The following ABCA13 variants were observed in gnomAD, a reference collection of about 807,000 sequenced individuals.
The protein encoded by ABCA13 is ATP-binding cassette sub-family A member 13.
In ABCA13, 476 loss-of-function variants were observed where a neutral mutation model predicts 478.7. That is an observed-to-expected ratio of 0.99 (90% CI 0.92 to 1.07). The LOEUF is 1.07. Ranked by LOEUF, ABCA13 falls within the 50% of genes least tolerant of loss-of-function variation. The pLI is 0.00. For synonymous variants in ABCA13, 2,252 were observed against 2,158.9 expected, an observed-to-expected ratio of 1.04 and a Z score of -1.20; for missense variants, 6,060 against 5,910.6, an observed-to-expected ratio of 1.03 and a Z score of -0.83.
At chr7:48,523,708 G>T (rs998285299) in intron 53 of ABCA13, among the ~76,000 whole-genome samples, 5 of 152,092 alleles carry the variant, frequency 3.3e-5, no homozygotes, top group African/African-American at 1.2e-4. Context: ...CTCAGATTTA[G>T]AGAAAATAAG....
chr7:48,388,473 A>G (rs918719654), intron 36 of ABCA13, among the ~76,000 whole-genome samples: 2 of 152,216 alleles, frequency 1.3e-5, no homozygotes, highest in Non-Finnish European at 2.9e-5. Flanking sequence ...CTCCAGAGTC[A>G]TGGCCTGTTC....
At chr7:48,501,807 G>C (rs1290838997) in intron 48 of ABCA13, among the ~76,000 whole-genome samples, 1 of 152,138 alleles carries the variant, frequency 6.6e-6, no homozygotes, top group African/African-American at 2.4e-5. Flanking sequence ...TGCTGTCATT[G>C]GGATCCATTG....
chr7:48,284,301 A>G (rs1797432172), intron 19 of ABCA13, among the ~76,000 whole-genome samples: 1 of 152,076 alleles, frequency 6.6e-6, no homozygotes, highest in Non-Finnish European at 1.5e-5. Flanking sequence ...TGAAACCCCA[A>G]CTGCTGTGTA....
At chr7:48,522,386 CA>C (rs1408224742) in intron 53 of ABCA13, among the ~76,000 whole-genome samples, 3 of 152,128 alleles carry the variant, frequency 2.0e-5, no homozygotes. Context: ...TTCAGGTTTC[CA>C]TTAGGACCTG....
intron 27 of ABCA13, among the ~76,000 whole-genome samples, chr7:48,331,008 C>T (rs1035627957): frequency 3.3e-5 from 5 of 152,090 alleles, no homozygotes; most frequent in African/African-American, 1.2e-4. Context: ...TCTTCAAATT[C>T]CTCTGCCCCA....
At chr7:48,518,746 A>G (rs1449615260) in intron 52 of ABCA13, among the ~76,000 whole-genome samples, 7 of 152,160 alleles carry the variant, frequency 4.6e-5, no homozygotes. Flanking sequence ...ATTAATTCTT[A>G]TAGAATTAAT....
Position 48,645,618 on chromosome 7 carries a change from C to T in ABCA13, c.*106C>T, listed in dbSNP as rs1795395793. 1.2e-6 allele frequency: 1 copy of T among 865,254 alleles called. No individual in the cohort carries two copies. The allele number at this position is 865,254 out of a possible 1,614,324, so 53.6% of individuals were successfully genotyped here. A position where few individuals can be genotyped will look rare whatever the true frequency, so the allele number is the denominator to read the frequency against. On this transcript the variant is annotated 3_prime_UTR_variant, in exon 62 of 62. Transcript: ENST00000435803. ...AATCAAGGAGCTGGAACACACTCTC[C>T]AGGCCGTCAAATTATTCTCTTGTTC... is the stretch of plus-strand genomic sequence containing the variant.
At chr7:48,221,518 GA>G (rs1288555641) in intron 5 of ABCA13, among the ~76,000 whole-genome samples, 1 of 152,236 alleles carries the variant, frequency 6.6e-6, no homozygotes, top group Admixed American at 6.5e-5. Context: ...CTGGGTCTGT[GA>G]AAAGCAGAGG....
At chr7:48,292,560 G>T (rs192343192) in intron 20 of ABCA13, among the ~76,000 whole-genome samples, 109 of 152,252 alleles carry the variant, frequency 7.2e-4, no homozygotes, top group African/African-American at 2.4e-3. Context: ...CCACTGCTAG[G>T]TCCTGCTGTC....
chr7:48,240,328 G>T (rs1450928700), intron 9 of ABCA13, among the ~76,000 whole-genome samples: 10 of 152,104 alleles, frequency 6.6e-5, no homozygotes, highest in Admixed American at 6.6e-4. Flanking sequence ...GGTTAATTAA[G>T]GCATAGTTAG....
chr7:48,540,125 T>C (rs567265913), intron 55 of ABCA13, among the ~76,000 whole-genome samples: 1 of 152,250 alleles, frequency 6.6e-6, no homozygotes, highest in African/African-American at 2.4e-5. Context: ...GTTTCCTTGA[T>C]TTTTCTCTGC....
chr7:48,189,430 C>G (rs933685883), intron 1 of ABCA13, among the ~76,000 whole-genome samples: 1 of 152,144 alleles, frequency 6.6e-6, no homozygotes, highest in African/African-American at 2.4e-5. Flanking sequence ...AATGGAGCAA[C>G]TTCAAATTCA....
rs1177724973 is a variant in ABCA13, at chr7:48,372,301, A to G, written c.10937A>G (p.Asn3646Ser). The G allele has an allele frequency of 6.2e-7, 1 of 1,613,820 alleles. No homozygotes were observed. The highest frequency in any genetic ancestry group is 1.3e-5 in the African/African-American group (1 of 74,884). Residue 3646 changes from asparagine to serine, a missense_variant, in exon 33 of 62, where the codon AAT (asparagine) becomes AGT (serine). This residue lies in a region of ABCA13 where 4,423 missense variants were observed against 4,309.1 expected (regional missense o/e 1.03). Transcript: ENST00000435803. ...ACAAGTGGCATCTTTGCACACAGCA[A>G]TACCTTTATTGTTTTCCTCTTTCTC... ...LKTSGIFAHS[N>S]TFIVFLFLLD...
chr7:48,472,895 T>A (rs117926470), intron 45 of ABCA13, among the ~76,000 whole-genome samples: 1 of 152,314 alleles, frequency 6.6e-6, no homozygotes, highest in East Asian at 1.9e-4. Context: ...TAATCCATTT[T>A]CATGCTGCTG....
intron 41 of ABCA13, among the ~76,000 whole-genome samples, chr7:48,417,037 TC>T (rs1365186642): frequency 1.3e-5 from 2 of 152,206 alleles, no homozygotes; most frequent in African/African-American, 4.8e-5. Flanking sequence ...TGACATAATT[TC>T]TTTTACAAAA....
Position 48,520,032 on chromosome 7 carries a change from A to G in ABCA13, c.13798-9A>G, listed in dbSNP as rs776023392. The G allele has an allele frequency of 6.3e-6, 10 of 1,579,984 alleles. No homozygotes were observed. In the African/African-American group the frequency reaches 1.1e-4, roughly 17 times the overall value. ...TAATTGGATTTTTTTTCTTTTTTTC[A>G]CTGTGCAGAATTTACAGAATATCTA... On this transcript the variant is annotated splice_polypyrimidine_tract_variant and intron_variant, in intron 52 of 61. Coordinates refer to ENST00000435803, the MANE Select transcript of ABCA13 (RefSeq NM_152701.5).
At chr7:48,422,022 T>C (rs71547885) in intron 41 of ABCA13, among the ~76,000 whole-genome samples, 19,274 of 135,456 alleles carry the variant, frequency 0.14, 1,652 homozygotes, top group South Asian at 0.22. Flanking sequence ...CCACTTTCTG[T>C]TGGCCCCAAA....
chr7:48,289,497 T>TA (rs1336939333), intron 20 of ABCA13, among the ~76,000 whole-genome samples: 2 of 151,976 alleles, frequency 1.3e-5, no homozygotes, highest in African/African-American at 4.8e-5. Flanking sequence ...TAGCTGGGAT[T>TA]ACAGGTGCCA....
chr7:48,273,108 G>A lies in ABCA13; in HGVS notation c.3442G>A (p.Val1148Ile), dbSNP rs771342736. 8.7e-6 allele frequency: 14 copies of A among 1,613,436 alleles called. 1 individual carries two copies. Among genetic ancestry groups the A allele is most frequent in the South Asian group, 7.7e-5 (7 of 91,062 alleles). ...CAAGTTTATGTCCATTCACTGTACC[G>A]TTTCATGGCTTCAAATGTGGACTGA... is the stretch of plus-strand genomic sequence containing the variant. ...FNKFMSIHCT[V>I]SWLQMWTEIW... The change falls in exon 17 of 62, where the codon GTT (valine) becomes ATT (isoleucine). Residue 1148 changes from valine to isoleucine, a missense_variant. Around this residue, in one of 3 missense-constraint regions of ABCA13, gnomAD observed 4,423 missense variants for 4,309.1 expected, o/e 1.03. Coordinates refer to ENST00000435803, the MANE Select transcript of ABCA13 (RefSeq NM_152701.5).
Sources: gnomAD v4.1 joint callset for allele counts (sites outside exome capture counted in the v4.1 genomes callset) on GRCh38, gnomAD v4.1.1 for gene constraint, gnomAD v4.1.1 regional missense constraint, MANE v1.5 for transcripts, NCBI Gene and HGNC (gene_info 2026-07-23, HGNC 2026-07-21) for gene names.